UTY: variants seen among roughly 807,000 people sequenced by gnomAD.
UTY encodes the protein ubiquitously transcribed tetratricopeptide repeat containing, Y-linked.
A neutral mutation model predicts 32.5 loss-of-function variants in UTY; 12 were observed. The ratio of observed to expected loss-of-function variants is 0.37; its 90% CI spans 0.24 to 0.60. UTY has a LOEUF of 0.60. UTY is among the 20% of genes least tolerant of loss of function. The probability of loss-of-function intolerance (pLI) is 0.69; values close to 1 mark genes in which losing one functional copy is unlikely to be tolerated. For missense variants in UTY, 303 were observed against 299.2 expected, an observed-to-expected ratio of 1.01 and a Z score of -0.09; for synonymous variants, 131 against 103.4, an observed-to-expected ratio of 1.27 and a Z score of -1.62.
intron 2 of UTY, 30 bp downstream of exon 2, chrY:13,479,224 A>G: frequency 2.5e-6 from 1 of 392,556 alleles, no homozygotes; most frequent in South Asian, 3.0e-5. Context: ...CAAAGTGCGG[A>G]CCAAAGACTT....
chrY:13,388,036 T>C, intron 8 of UTY, among the ~76,000 whole-genome samples: 1 of 33,914 alleles, frequency 2.9e-5, no homozygotes, highest in South Asian at 6.5e-4. Context: ...CATTTTTCAT[T>C]TTTTTCATCT....
chrY:13,451,736 T>C, intron 3 of UTY, among the ~76,000 whole-genome samples: 1 of 33,520 alleles, frequency 3.0e-5, no homozygotes, highest in Non-Finnish European at 7.4e-5. Flanking sequence ...AGGCTACCTA[T>C]TGCATTAATG....
At chrY:13,289,448 A>G in intron 27 of UTY, among the ~76,000 whole-genome samples, 1 of 34,184 alleles carries the variant, frequency 2.9e-5, no homozygotes, top group Non-Finnish European at 7.3e-5. Context: ...CAGACATTGT[A>G]TAGAAGAACA....
At chrY:13,277,404 A>T in intron 27 of UTY, among the ~76,000 whole-genome samples, 1 of 33,645 alleles carries the variant, frequency 3.0e-5, no homozygotes, top group Non-Finnish European at 7.4e-5. Context: ...AACTATTTAC[A>T]CACGAAAGCA....
chrY:13,262,980 C>T, intron 27 of UTY, among the ~76,000 whole-genome samples: 1 of 33,066 alleles, frequency 3.0e-5, no homozygotes, highest in Admixed American at 2.8e-4. Context: ...TATTGTATTA[C>T]TTTATACTCA....
chrY:13,438,247 TC>T (rs2074845807), intron 4 of UTY, among the ~76,000 whole-genome samples: 1 of 33,109 alleles, frequency 3.0e-5, no homozygotes, highest in South Asian at 6.8e-4. Context: ...TAACATAGGC[TC>T]CCAGATCAGA....
At chrY:13,476,471 G>A (rs760433825) in intron 2 of UTY, among the ~76,000 whole-genome samples, 1 of 33,475 alleles carries the variant, frequency 3.0e-5, no homozygotes, top group East Asian at 7.9e-4. Context: ...CATTTTAATA[G>A]GCGTTTCTCC....
intron 28 of UTY, among the ~76,000 whole-genome samples, chrY:13,251,908 C>T (rs2054187178): frequency 6.2e-5 from 2 of 32,379 alleles, no homozygotes; most frequent in Non-Finnish European, 7.5e-5. Context: ...TGGCCGGGCG[C>T]GGTGGCTCAC....
At chrY:13,473,068 C>T (rs2078663625) in intron 2 of UTY, among the ~76,000 whole-genome samples, 1 of 33,329 alleles carries the variant, frequency 3.0e-5, no homozygotes, top group Admixed American at 2.7e-4. Context: ...ACCAGCCCGC[C>T]CAACATGGTG....
At chrY:13,348,609 C>A (rs2062122245) in intron 17 of UTY, among the ~76,000 whole-genome samples, 1 of 33,552 alleles carries the variant, frequency 3.0e-5, no homozygotes, top group Non-Finnish European at 7.4e-5. Context: ...TCAATTCCTA[C>A]TGATCAAAAA....
intron 28 of UTY, among the ~76,000 whole-genome samples, chrY:13,257,863 G>C (rs1017479942): frequency 2.0e-3 from 66 of 33,063 alleles, no homozygotes; most frequent in Admixed American, 7.7e-3. Context: ...CCTGGGGACA[G>C]ACCAAGAAGC....
At chrY:13,375,067 T>C (rs1008602885) in intron 8 of UTY, among the ~76,000 whole-genome samples, 1 of 34,167 alleles carries the variant, frequency 2.9e-5, no homozygotes, top group African/African-American at 1.1e-4. Context: ...TTCTATTTCT[T>C]ATTTCACTGT....
chrY:13,239,850 A>G, intron 28 of UTY, among the ~76,000 whole-genome samples: 1 of 33,488 alleles, frequency 3.0e-5, no homozygotes, highest in Non-Finnish European at 7.4e-5. Context: ...TGAAAATGAA[A>G]GAACAATATT....
chrY:13,465,093 TAAATAAATACATA>T (rs2077790667), intron 3 of UTY, among the ~76,000 whole-genome samples: 1 of 32,183 alleles, frequency 3.1e-5, no homozygotes, highest in Non-Finnish European at 7.6e-5. Flanking sequence ...CTCAAAAAAG[TAAATAAATACATA>T]AAATAAATAC....
chrY:13,389,475 T>C (rs2067286940), intron 8 of UTY, among the ~76,000 whole-genome samples: 1 of 33,657 alleles, frequency 3.0e-5, no homozygotes, highest in African/African-American at 1.2e-4. Context: ...CTTATGTTTA[T>C]AAGTCCTCAA....
At chrY:13,364,977 T>TA (rs2149307546) in intron 10 of UTY, among the ~76,000 whole-genome samples, 1 of 33,556 alleles carries the variant, frequency 3.0e-5, no homozygotes, top group East Asian at 7.6e-4. Flanking sequence ...CTATGATTAA[T>TA]AAAAATATTT....
intron 4 of UTY, among the ~76,000 whole-genome samples, chrY:13,443,737 C>T: frequency 3.0e-5 from 1 of 33,528 alleles, no homozygotes; most frequent in African/African-American, 1.2e-4. Flanking sequence ...GCAGTGTTAA[C>T]AGGAAAATTT....
In UTY at chrY:13,357,931, T is replaced by C. The variant is rs761828726; in HGVS notation, c.1515A>G (p.Ser505=). 2 of 397,870 alleles carry C rather than the reference T, an allele frequency of 5.0e-6. No homozygotes were observed. Among genetic ancestry groups the C allele is most frequent in the Admixed American group, 1.5e-4 (2 of 13,500 alleles). ...AATAAACTTGCTGTACTGGATGATG[T>C]GAAAGACTCTGGCCACCATTCCAGT... is the stretch of plus-strand genomic sequence containing the variant. ...SDNWNGGQSL[S]HHPVQQVYSL... Residue 505 remains serine (S), a synonymous_variant, in exon 15 of 30, where the codon TCA becomes TCG. Coordinates refer to ENST00000545955, the MANE Select transcript of UTY (RefSeq NM_001258249.2).
chrY:13,469,213 C>CTT (rs767648479), intron 3 of UTY, among the ~76,000 whole-genome samples: 10 of 24,789 alleles, frequency 4.0e-4, no homozygotes, highest in African/African-American at 1.6e-3. Flanking sequence ...CCACCTATTG[C>CTT]TTTTTTTTTT....
Sources: gnomAD v4.1 joint callset for allele counts (sites outside exome capture counted in the v4.1 genomes callset) on GRCh38, gnomAD v4.1.1 for gene constraint, MANE v1.5 for transcripts, NCBI Gene and HGNC (gene_info 2026-07-23, HGNC 2026-07-21) for gene names.